Variants in ASAP2 observed in about 807,000 individuals in gnomAD.
ASAP2 encodes ArfGAP with SH3 domain, ankyrin repeat and PH domain 2.
A neutral mutation model predicts 131.4 loss-of-function variants in ASAP2; 45 were observed. The ratio of observed to expected loss-of-function variants is 0.34; its 90% CI spans 0.27 to 0.44. The LOEUF is 0.44. ASAP2 is among the 20% of genes least tolerant of loss of function. The pLI is 1.00. For synonymous variants in ASAP2, 510 were observed against 503.0 expected, an observed-to-expected ratio of 1.01 and a Z score of -0.19; for missense variants, 1,011 against 1,297.0, an observed-to-expected ratio of 0.78 and a Z score of 3.39.
chr2:9,263,962 C>T (rs754984724), intron 1 of ASAP2, among the ~76,000 whole-genome samples: 48 of 152,034 alleles, frequency 3.2e-4, no homozygotes, highest in Non-Finnish European at 5.6e-4. Context: ...GAGGCCAAGG[C>T]GGGCGGATCA....
At chr2:9,334,387 C>T (rs576944479) in intron 7 of ASAP2, among the ~76,000 whole-genome samples, 1 of 152,088 alleles carries the variant, frequency 6.6e-6, no homozygotes, top group South Asian at 2.1e-4. Flanking sequence ...ATGTCGCGGT[C>T]GCCTGTTGCG....
rs1224852401 is a variant in ASAP2, at chr2:9,284,711, G to A, written c.199+5322G>A. Among the ~76,000 whole-genome samples the A allele has an allele frequency of 2.0e-5, 3 of 152,308 alleles. No individual in the cohort carries two copies. In the South Asian group the frequency reaches 6.2e-4, roughly 32 times the overall value. On this transcript the variant is annotated intron_variant, in intron 2 of 27. Coordinates refer to ENST00000281419, the MANE Select transcript of ASAP2 (RefSeq NM_003887.3). ...GTGTTCCTTGCAGTGGCTGCCATGG[G>A]TGTGGGCGGGTAATAGGTGCCCAGT...
intron 7 of ASAP2, among the ~76,000 whole-genome samples, chr2:9,331,030 C>G (rs985345068): frequency 1.3e-5 from 2 of 152,240 alleles, no homozygotes; most frequent in Admixed American, 1.3e-4. Flanking sequence ...AGTAAGAGCT[C>G]GCAGCCGTGC....
intron 8 of ASAP2, 116 bp downstream of exon 8, chr2:9,334,929 G>A (rs767866387): frequency 7.3e-7 from 1 of 1,368,306 alleles, no homozygotes; most frequent in Admixed American, 1.8e-5. Flanking sequence ...CACGTGGAGT[G>A]TGGCGTTCCC....
chr2:9,380,604 A>G (rs2148739773), intron 19 of ASAP2, 137 bp from the exon 20 acceptor site: 2 of 827,506 alleles, frequency 2.4e-6, no homozygotes, highest in South Asian at 2.7e-5. Context: ...CGACTAGGTC[A>G]AACTCACTGT....
chr2:9,338,453 C>T (rs1466128470), intron 9 of ASAP2, among the ~76,000 whole-genome samples: 4 of 152,130 alleles, frequency 2.6e-5, no homozygotes, highest in Non-Finnish European at 5.9e-5. Flanking sequence ...TCCACCACAG[C>T]CATAATTTTC....
intron 12 of ASAP2, 119 bp from the exon 13 acceptor site, chr2:9,355,928 C>A: frequency 1.6e-6 from 2 of 1,249,746 alleles, no homozygotes; most frequent in Non-Finnish European, 1.2e-6. Flanking sequence ...TTATACAAAT[C>A]AGTAATTTCG....
intron 11 of ASAP2, among the ~76,000 whole-genome samples, chr2:9,345,929 G>A (rs937702981): frequency 3.3e-5 from 5 of 152,098 alleles, no homozygotes; most frequent in East Asian, 1.9e-4. Flanking sequence ...TGCCAACTTC[G>A]ATTTAGAAAG....
chr2:9,291,474 A>G (rs961165801), intron 2 of ASAP2, among the ~76,000 whole-genome samples: 9 of 152,312 alleles, frequency 5.9e-5, no homozygotes, highest in Middle Eastern at 3.4e-3. Context: ...AACAGGTGGC[A>G]TGTACAGCCG....
intron 16 of ASAP2, among the ~76,000 whole-genome samples, chr2:9,373,160 C>T (rs1003285719): frequency 2.0e-5 from 3 of 152,114 alleles, no homozygotes; most frequent in African/African-American, 7.2e-5. Flanking sequence ...CCCGCCTTAA[C>T]CTAGGCCCTG....
At chr2:9,240,491 C>T (rs779272444) in intron 1 of ASAP2, among the ~76,000 whole-genome samples, 16 of 152,084 alleles carry the variant, frequency 1.1e-4, no homozygotes, top group Non-Finnish European at 1.6e-4. Flanking sequence ...AGCGATTCAC[C>T]TGCCTTGGCC....
intron 2 of ASAP2, among the ~76,000 whole-genome samples, chr2:9,289,776 G>T (rs184323556): frequency 6.6e-6 from 1 of 152,152 alleles, no homozygotes; most frequent in Non-Finnish European, 1.5e-5. Context: ...TTTTAATAGC[G>T]CACACCTTGG....
intron 12 of ASAP2, among the ~76,000 whole-genome samples, 185 bp downstream of exon 12, chr2:9,351,080 G>A (rs1026006808): frequency 6.6e-5 from 10 of 152,260 alleles, no homozygotes; most frequent in Non-Finnish European, 1.2e-4. Context: ...TTCTAGTTGA[G>A]AGTTTGACTT....
At chr2:9,327,769 C>T in intron 6 of ASAP2, 57 bp from the exon 7 acceptor site, 1 of 1,315,106 alleles carries the variant, frequency 7.6e-7, no homozygotes, top group Non-Finnish European at 1.1e-6. Context: ...CTCAGAAGCT[C>T]CTTTTAAACT....
At chr2:9,214,762 G>T (rs1255456714) in intron 1 of ASAP2, among the ~76,000 whole-genome samples, 2 of 146,460 alleles carry the variant, frequency 1.4e-5, no homozygotes, top group African/African-American at 5.2e-5. Flanking sequence ...AAGTGGACAG[G>T]ATGGCCTGGA....
At chr2:9,382,478 C>T (rs1006089716) in intron 20 of ASAP2, among the ~76,000 whole-genome samples, 1 of 152,324 alleles carries the variant, frequency 6.6e-6, no homozygotes, top group Admixed American at 6.5e-5. Flanking sequence ...CTCTTCTGCA[C>T]ATGTAGAACG....
At chr2:9,343,592 G>A (rs1223103258) in intron 9 of ASAP2, among the ~76,000 whole-genome samples, 7 of 152,234 alleles carry the variant, frequency 4.6e-5, no homozygotes, top group South Asian at 2.1e-4. Flanking sequence ...GACTACCAGC[G>A]CCTGCCACCA....
intron 3 of ASAP2, among the ~76,000 whole-genome samples, chr2:9,304,241 T>C (rs921589224): frequency 6.6e-6 from 1 of 152,154 alleles, no homozygotes; most frequent in Non-Finnish European, 1.5e-5. Flanking sequence ...GTCAAATGTG[T>C]GTAGGACATG....
chr2:9,233,566 G>A (rs777563429), intron 1 of ASAP2, among the ~76,000 whole-genome samples: 46 of 152,166 alleles, frequency 3.0e-4, no homozygotes, highest in Admixed American at 1.2e-3. Context: ...AGGACCTCTC[G>A]TTATAGCTTA....
Sources: allele counts gnomAD v4.1 joint callset (sites outside exome capture counted in the v4.1 genomes callset), GRCh38; gene constraint gnomAD v4.1.1; transcripts MANE v1.5; gene names NCBI Gene and HGNC (gene_info 2026-07-23, HGNC 2026-07-21).